MX1: variants seen among roughly 807,000 people sequenced by gnomAD.
MX1 encodes the protein MX dynamin like GTPase 1, also known as interferon-induced GTP-binding protein Mx1.
A neutral mutation model predicts 66.4 loss-of-function variants in MX1; 66 were observed. The ratio of observed to expected loss-of-function variants is 0.99; its 90% CI spans 0.82 to 1.22. The LOEUF is 1.22. Ranked by LOEUF, MX1 falls within the 50% of genes most tolerant of loss-of-function variation. The pLI is 0.00. For synonymous variants in MX1, 311 were observed against 318.1 expected (o/e 0.98, Z 0.24); for missense variants, 787 against 834.3 (o/e 0.94, Z 0.70).
intron 11 of MX1, among the ~76,000 whole-genome samples, chr21:41,444,304 CT>C (rs1206167962): frequency 5.1e-5 from 6 of 117,282 alleles, no homozygotes; most frequent in African/African-American, 1.6e-4. Context: ...ATTTTCTTTT[CT>C]TTTCTTTTCT....
chr21:41,422,225 G>A (rs1476641228), upstream of MX1: 4 of 152,358 alleles, frequency 2.6e-5, no homozygotes, highest in Middle Eastern at 3.4e-3. Context: ...AGATGGCCAC[G>A]AGAGTGACCT....
At chr21:41,448,868 C>T (rs1418492719) in intron 13 of MX1, among the ~76,000 whole-genome samples, 1 of 151,598 alleles carries the variant, frequency 6.6e-6, no homozygotes, top group African/African-American at 2.4e-5. Flanking sequence ...TTCCTGGCAT[C>T]GTACCTGGCT....
rs1322546318 is a variant in MX1 at position 41,431,110 on chromosome 21, C to T, written c.-22+502C>T. Among the ~76,000 whole-genome samples, 5 of 152,208 alleles carry T rather than the reference C, an allele frequency of 3.3e-5. No individual in the cohort carries two copies. In the East Asian group the frequency reaches 7.7e-4, roughly 23 times the overall value. On this transcript the variant is annotated intron_variant, in intron 4 of 16. Transcript: ENST00000398598. ...CGATCTCGGCTCACTGCAACCTTCACCTCCCAGGTTCAAGTGATTCTCCTG... is the reference window on the plus strand; with the variant it reads ...CGATCTCGGCTCACTGCAACCTTCATCTCCCAGGTTCAAGTGATTCTCCTG...
Position 41,441,476 on chromosome 21 carries a change from G to C in MX1, c.731-240G>C, listed in dbSNP as rs2090509952. The C allele has an allele frequency of 1.7e-6, 1 of 571,564 alleles. No homozygotes were observed. The highest frequency in any genetic ancestry group is 1.9e-5 in the African/African-American group (1 of 53,364). The allele number at this position is 571,564 out of a possible 1,614,324, so 35.4% of individuals were successfully genotyped here. ...GTGGCGTGTTCTACAGTGGACCCGG[G>C]TGAAGGAGCTTGGGGAGAGCCACAT... On this transcript the variant is annotated intron_variant, in intron 9 of 16. Transcript: ENST00000398598. The surrounding 1 kb of genome is among the most constrained non-coding windows in gnomAD (Gnocchi z 4.0).
In MX1 at chr21:41,449,315, T is replaced by C. The variant is rs189883580; in HGVS notation, c.1432+20T>C. 2 of 1,592,976 alleles carry C rather than the reference T, an allele frequency of 1.3e-6. No individual in the cohort carries two copies. The highest frequency in any genetic ancestry group is 2.7e-5 in the African/African-American group (2 of 73,708). Reference sequence around the variant, plus strand: ...TGACGGGTGAGTGCTCAGTTTCACCTCTGAGCATTGATTTCTAAAGAAAGG... The same window carrying C: ...TGACGGGTGAGTGCTCAGTTTCACCCCTGAGCATTGATTTCTAAAGAAAGG... On this transcript the variant is annotated intron_variant, in intron 14 of 16. Transcript: ENST00000398598.
intron 13 of MX1, among the ~76,000 whole-genome samples, chr21:41,448,894 T>G (rs2090740154): frequency 6.6e-6 from 1 of 150,592 alleles, no homozygotes. Context: ...CTCCCCTTCC[T>G]GAGATGACTA....
At chr21:41,424,170 CA>C (rs1467933798), upstream of MX1, among the ~76,000 whole-genome samples, 2 of 151,970 alleles carry the variant, frequency 1.3e-5, no homozygotes, top group Non-Finnish European at 2.9e-5. Flanking sequence ...CACAGTCCCC[CA>C]GGATGTGCTG....
chr21:41,453,193 C>G (rs2090878796), intron 16 of MX1, among the ~76,000 whole-genome samples: 1 of 152,160 alleles, frequency 6.6e-6, no homozygotes, highest in Admixed American at 6.5e-5. Flanking sequence ...AAGGGGTTTC[C>G]CCTTATCAAA....
Position 41,439,830 on chromosome 21 carries a change from T to C in MX1, c.573T>C (p.Pro191=), listed in dbSNP as rs1183198280. ...GITRVAVGNQ[P]ADIGYKIKTL... is the part of the protein sequence containing the mutation. ...CCAGAGTGGCTGTGGGCAATCAGCC[T>C]GCTGACATTGGGTATAAGGTCAGAC... Residue 191 remains proline (P), a synonymous_variant, in exon 8 of 17, where the codon CCT becomes CCC. Transcript: ENST00000398598. 2 of 1,613,218 alleles carry C rather than the reference T, an allele frequency of 1.2e-6. No homozygotes were observed. The highest frequency in any genetic ancestry group is 3.3e-5 in the Admixed American group (2 of 59,920).
chr21:41,431,500 G>A (rs1314523937), intron 4 of MX1, among the ~76,000 whole-genome samples: 1 of 145,758 alleles, frequency 6.9e-6, no homozygotes, highest in Non-Finnish European at 1.5e-5. Flanking sequence ...TTTTGAGACA[G>A]AGTCTTGCTC....
At chr21:41,452,139 G>C (rs1277783353) in intron 15 of MX1, among the ~76,000 whole-genome samples, 2 of 152,198 alleles carry the variant, frequency 1.3e-5, no homozygotes, top group Non-Finnish European at 2.9e-5. Context: ...TGTGCACTGT[G>C]CCTCTCCTCA....
chr21:41,452,523 G>A (rs748894005), intron 15 of MX1, 98 bp from the exon 16 acceptor site: 41 of 1,367,350 alleles, frequency 3.0e-5, no homozygotes, highest in Middle Eastern at 2.4e-4. Context: ...TTTCACTCAC[G>A]TTGGGTAACC....
intron 13 of MX1, among the ~76,000 whole-genome samples, chr21:41,446,833 A>G (rs1012413055): frequency 1.3e-5 from 2 of 152,216 alleles, no homozygotes; most frequent in Non-Finnish European, 2.9e-5. Context: ...AGGGGACACC[A>G]ACATGTAGAC....
Position 41,458,841 on chromosome 21 carries a change from G to A in MX1, c.*83G>A. ...TAGCCACTGGACTGACGACTTGAGT[G>A]CTCAGTAGTCAGACTGGATAGTCCG... On this transcript the variant is annotated 3_prime_UTR_variant, in exon 17 of 17. Coordinates refer to ENST00000398598, the MANE Select transcript of MX1 (RefSeq NM_002462.5). 6.6e-7 allele frequency: 1 copy of A among 1,524,122 alleles called. No homozygotes were observed. Among genetic ancestry groups the A allele is most frequent in the Admixed American group, 1.9e-5 (1 of 51,634 alleles). The allele number at this position is 1,524,122 out of a possible 1,614,324, so 94.4% of individuals were successfully genotyped here. A position where few individuals can be genotyped will look rare whatever the true frequency, so the allele number is the denominator to read the frequency against.
chr21:41,442,489 G>T (rs561908007), intron 10 of MX1, among the ~76,000 whole-genome samples: 13 of 152,322 alleles, frequency 8.5e-5, no homozygotes, highest in Admixed American at 2.0e-4. Context: ...TAGTTTATAA[G>T]ATTTTTCTAT....
intron 12 of MX1, 170 bp from the exon 13 acceptor site, chr21:41,445,830 G>T: frequency 3.4e-6 from 3 of 892,568 alleles, no homozygotes; most frequent in Non-Finnish European, 5.0e-6. Flanking sequence ...GGCAGTAAGG[G>T]GTGGGATAGG....
chr21:41,446,072 C>T lies in MX1; in HGVS notation c.1204C>T (p.Arg402Trp), dbSNP rs2090654736. The T allele has an allele frequency of 3.7e-6, 6 of 1,614,026 alleles. No homozygotes were observed. The highest frequency in any genetic ancestry group is 3.3e-5 in the Admixed American group (2 of 60,002). ...GEETVGEEDI[R>W]LFTRLRHEFH... ...GGAAACTGTAGGGGAGGAAGACATT[C>T]GGCTGTTTACCAGACTCCGACACGA... Residue 402 changes from arginine to tryptophan, a missense_variant, in exon 13 of 17, where the codon CGG becomes TGG. By Grantham distance (101) the Arg-to-Trp change is moderately radical (BLOSUM62 -3). Transcript: ENST00000398598.
At chr21:41,442,615 C>G (rs978522642) in intron 10 of MX1, 1 of 152,194 alleles carries the variant, frequency 6.6e-6, no homozygotes, top group Non-Finnish European at 1.5e-5. Context: ...TCCCAGAAGC[C>G]TACAGAGAGC....
intron 7 of MX1, 121 bp from the exon 8 acceptor site, chr21:41,439,573 T>C: frequency 1.0e-6 from 1 of 966,464 alleles, no homozygotes; most frequent in Non-Finnish European, 1.6e-6. Flanking sequence ...TTGAATCTGC[T>C]CCAAATATGC....
Sources: allele counts gnomAD v4.1 joint callset (sites outside exome capture counted in the v4.1 genomes callset), GRCh38; gene constraint gnomAD v4.1.1; non-coding constraint Gnocchi (gnomAD v3.1); transcripts MANE v1.5; gene names NCBI Gene and HGNC (gene_info 2026-07-23, HGNC 2026-07-21).